GRK5: variants seen among roughly 807,000 people sequenced by gnomAD.
The protein encoded by GRK5 is g protein-coupled receptor kinase GRK5.
Under a neutral mutation model 78.4 loss-of-function variants are expected in GRK5, and 40 were observed. The observed-to-expected ratio is 0.51, with a 90% CI of 0.40 to 0.66. GRK5 has a LOEUF of 0.66. Ranked by LOEUF, GRK5 falls within the 30% of genes least tolerant of loss-of-function variation. The pLI is 0.00. For missense variants in GRK5, 598 were observed against 759.9 expected (o/e 0.79, Z 2.50); for synonymous variants, 289 against 296.8 (o/e 0.97, Z 0.27).
At chr10:119,331,622 G>A (rs921892395) in intron 2 of GRK5, among the ~76,000 whole-genome samples, 2 of 152,226 alleles carry the variant, frequency 1.3e-5, no homozygotes, top group Admixed American at 1.3e-4. Flanking sequence ...GGTGTGAGGT[G>A]GTGCCATGAG....
intron 8 of GRK5, among the ~76,000 whole-genome samples, chr10:119,434,648 C>T (rs921076198): frequency 3.9e-5 from 6 of 152,232 alleles, no homozygotes; most frequent in Non-Finnish European, 5.9e-5. Flanking sequence ...TGCAGGGTAC[C>T]GTCTCCCTCC....
intron 3 of GRK5, among the ~76,000 whole-genome samples, chr10:119,386,198 C>G (rs541689944): frequency 6.6e-6 from 1 of 152,154 alleles, no homozygotes; most frequent in East Asian, 1.9e-4. Context: ...GAGTTGTCAA[C>G]ACATATATAG....
chr10:119,365,726 C>T (rs747598660), intron 2 of GRK5, among the ~76,000 whole-genome samples: 1 of 152,188 alleles, frequency 6.6e-6, no homozygotes, highest in Admixed American at 6.5e-5. Context: ...GCTTTCCTTT[C>T]GGTTTTCTAC....
intron 12 of GRK5, 69 bp from the exon 13 acceptor site, chr10:119,448,052 CTG>C (rs1463977686): frequency 6.8e-6 from 10 of 1,469,414 alleles, no homozygotes; most frequent in Non-Finnish European, 8.1e-6. Context: ...GGTGCAGACA[CTG>C]TGGAGGCAGG....
Position 119,278,205 on chromosome 10 carries a change from G to A in GRK5, c.53-48311G>A, listed in dbSNP as rs374823695. Among the ~76,000 whole-genome samples the A allele has an allele frequency of 7.4e-4, 112 of 152,126 alleles. 2 individuals are homozygous for A. The highest frequency in any genetic ancestry group is 4.3e-3 in the East Asian group (22 of 5,166). On this transcript the variant is annotated intron_variant, in intron 1 of 15. Transcript: ENST00000392870. Reference sequence around the variant, plus strand: ...ATTCTCCTGTGGCCTCTCCCTTCCCGAGACGGTCTAATGGCCCTGAGCGAT... The same window carrying A: ...ATTCTCCTGTGGCCTCTCCCTTCCCAAGACGGTCTAATGGCCCTGAGCGAT...
chr10:119,285,078 G>C (rs1182080899), intron 1 of GRK5, among the ~76,000 whole-genome samples: 1 of 152,204 alleles, frequency 6.6e-6, no homozygotes, highest in African/African-American at 2.4e-5. Flanking sequence ...CAGAGGTTCT[G>C]AGGATGCAAA....
At chr10:119,394,136 ATC>A (rs1851939634) in intron 3 of GRK5, among the ~76,000 whole-genome samples, 2 of 34,710 alleles carry the variant, frequency 5.8e-5, no homozygotes. Context: ...GTGTGTGGGT[ATC>A]TGTGGGTATG....
At chr10:119,326,648 G>C (rs762994858) in intron 2 of GRK5, 37 bp downstream of exon 2, 1 of 1,501,242 alleles carries the variant, frequency 6.7e-7, no homozygotes, top group Non-Finnish European at 9.3e-7. Flanking sequence ...CGGGGAGTGA[G>C]TAGCAGGTGA....
chr10:119,219,711 C>T (rs1413603501), intron 1 of GRK5, among the ~76,000 whole-genome samples: 1 of 152,090 alleles, frequency 6.6e-6, no homozygotes, highest in Non-Finnish European at 1.5e-5. Context: ...GCAAACTCCC[C>T]CTCCCCCCTA....
chr10:119,261,892 A>AGAGAGGGAGAGGGAGACCATGGG (rs1196109533), intron 1 of GRK5, among the ~76,000 whole-genome samples: 7 of 151,866 alleles, frequency 4.6e-5, no homozygotes, highest in African/African-American at 1.7e-4. Flanking sequence ...GACTGTGGAA[A>AGAGAGGGAGAGGGAGACCATGGG]GAGAGGGAGA....
intron 1 of GRK5, among the ~76,000 whole-genome samples, chr10:119,279,967 C>T (rs1368614483): frequency 6.6e-6 from 1 of 152,074 alleles, no homozygotes; most frequent in Admixed American, 6.6e-5. Flanking sequence ...CTCTTTTCAT[C>T]CTTGAATTCC....
At chr10:119,256,477 C>T (rs549970678) in intron 1 of GRK5, among the ~76,000 whole-genome samples, 2 of 152,306 alleles carry the variant, frequency 1.3e-5, no homozygotes, top group East Asian at 3.9e-4. Context: ...CTTGTTGGAG[C>T]TCACACAGCT....
chr10:119,236,067 C>T (rs190316069), intron 1 of GRK5, among the ~76,000 whole-genome samples: 245 of 152,248 alleles, frequency 1.6e-3, no homozygotes, highest in African/African-American at 5.8e-3. Context: ...CAGATATTAA[C>T]GGTGCCAAAT....
chr10:119,434,870 C>T (rs189618776), intron 8 of GRK5, among the ~76,000 whole-genome samples: 3 of 152,354 alleles, frequency 2.0e-5, no homozygotes, highest in Admixed American at 1.3e-4. Flanking sequence ...ATGAGGGCCC[C>T]GCCCCTGCAG....
intron 1 of GRK5, among the ~76,000 whole-genome samples, chr10:119,263,551 G>A (rs1849445104): frequency 6.6e-6 from 1 of 152,160 alleles, no homozygotes; most frequent in Non-Finnish European, 1.5e-5. Flanking sequence ...CCTTGGACAA[G>A]GAAGAAGTTA....
At chr10:119,400,715 T>G (rs1852136220) in intron 4 of GRK5, among the ~76,000 whole-genome samples, 1 of 152,000 alleles carries the variant, frequency 6.6e-6, no homozygotes, top group Non-Finnish European at 1.5e-5. Context: ...CACTTGTATT[T>G]TAGGACGATC....
chr10:119,291,528 C>A (rs544264606), intron 1 of GRK5, among the ~76,000 whole-genome samples: 1 of 141,888 alleles, frequency 7.0e-6, no homozygotes, highest in African/African-American at 2.8e-5. Flanking sequence ...CCTCCTCTTC[C>A]TCCTCCTCCT....
chr10:119,382,181 C>A (rs1320647731), intron 3 of GRK5, among the ~76,000 whole-genome samples: 1 of 152,236 alleles, frequency 6.6e-6, no homozygotes, highest in African/African-American at 2.4e-5. Flanking sequence ...CAGCTCCCTC[C>A]CCTCTGCAGG....
At chr10:119,394,190 GTA>G (rs1851945371) in intron 3 of GRK5, among the ~76,000 whole-genome samples, 2 of 148,740 alleles carry the variant, frequency 1.3e-5, no homozygotes, top group African/African-American at 5.0e-5. Context: ...GGGTGTCTGT[GTA>G]TGGGGGTGTG....
Sources: gnomAD v4.1 joint callset for allele counts (sites outside exome capture counted in the v4.1 genomes callset) on GRCh38, gnomAD v4.1.1 for gene constraint, MANE v1.5 for transcripts, NCBI Gene and HGNC (gene_info 2026-07-23, HGNC 2026-07-21) for gene names.